FOXN2: variants seen among roughly 807,000 people sequenced by gnomAD.
The protein encoded by FOXN2 is forkhead box N2, also known as forkhead box protein N2.
A neutral mutation model predicts 41.2 loss-of-function variants in FOXN2; 19 were observed. The ratio of observed to expected loss-of-function variants is 0.46; its 90% CI spans 0.32 to 0.68. The LOEUF (loss-of-function observed/expected upper bound fraction) is 0.68, where lower values mean the gene tolerates loss of function less well. Ranked by LOEUF, FOXN2 falls within the 30% of genes least tolerant of loss-of-function variation. FOXN2 has a pLI of 0.03. For missense variants in FOXN2, 587 were observed against 509.4 expected (o/e 1.15, Z -1.47); for synonymous variants, 195 against 176.8 (o/e 1.10, Z -0.82).
chr2:48,366,946 CT>C (rs1435169134), intron 5 of FOXN2, among the ~76,000 whole-genome samples: 1 of 152,044 alleles, frequency 6.6e-6, no homozygotes. Context: ...AATATTAAAA[CT>C]TACATATTCA....
intron 1 of FOXN2, among the ~76,000 whole-genome samples, chr2:48,315,740 A>G (rs1668868341): frequency 6.6e-6 from 1 of 151,998 alleles, no homozygotes; most frequent in African/African-American, 2.4e-5. Context: ...ACCTTTGCAA[A>G]ATGCCTCTTT....
intron 3 of FOXN2, among the ~76,000 whole-genome samples, chr2:48,357,570 G>C (rs989347488): frequency 2.6e-5 from 4 of 150,990 alleles, no homozygotes; most frequent in African/African-American, 9.7e-5. Context: ...CTGAATAGCT[G>C]AGACTATAGG....
Position 48,359,247 on chromosome 2 carries a change from G to A in FOXN2, c.638+100G>A, listed in dbSNP as rs1672011738. The A allele has an allele frequency of 2.4e-5, 19 of 783,516 alleles. No homozygotes were observed. The South Asian group carries it at 3.2e-4, about 13-fold the overall frequency. The allele number at this position is 783,516 out of a possible 1,614,324, so 48.5% of individuals were successfully genotyped here. Reference sequence around the variant, plus strand: ...CAGGGTATTATGTTTCTGTTTTATTGTATAAAGAAGTATTTATGTTTTATT... The same window carrying A: ...CAGGGTATTATGTTTCTGTTTTATTATATAAAGAAGTATTTATGTTTTATT... On this transcript the variant is annotated intron_variant, in intron 4 of 6. Transcript: ENST00000340553.
chr2:48,349,029 TC>T (rs988326595), intron 3 of FOXN2, among the ~76,000 whole-genome samples: 2 of 152,100 alleles, frequency 1.3e-5, no homozygotes, highest in African/African-American at 4.8e-5. Context: ...TTTCTGTGCC[TC>T]CCCCAGGAGC....
At chr2:48,319,284 TAAA>T (rs1346425842) in intron 1 of FOXN2, among the ~76,000 whole-genome samples, 1 of 151,966 alleles carries the variant, frequency 6.6e-6, no homozygotes, top group African/African-American at 2.4e-5. Context: ...ACTGAGGAGA[TAAA>T]AAACATTAAT....
At chr2:48,318,483 G>A (rs896152790) in intron 1 of FOXN2, among the ~76,000 whole-genome samples, 6 of 152,130 alleles carry the variant, frequency 3.9e-5, no homozygotes, top group African/African-American at 1.2e-4. Context: ...ACAAACTAAC[G>A]ACATGATAAA....
At chr2:48,340,996 A>G (rs1670728261) in intron 2 of FOXN2, among the ~76,000 whole-genome samples, 1 of 152,184 alleles carries the variant, frequency 6.6e-6, no homozygotes. Flanking sequence ...TAGTGGTTGT[A>G]TTAATTACTT....
chr2:48,319,270 T>G (rs545956822), intron 1 of FOXN2, among the ~76,000 whole-genome samples: 1 of 148,204 alleles, frequency 6.7e-6, no homozygotes, highest in South Asian at 2.2e-4. Flanking sequence ...GAAAAAAAAA[T>G]GAGACTGAGG....
rs563067423 is a variant in FOXN2, at chr2:48,360,947, G to C, written c.639-1696G>C. 4.7e-3 allele frequency among the ~76,000 whole-genome samples: 712 copies of C among 150,756 alleles called. 2 individuals carry two copies. The highest frequency in any genetic ancestry group is 0.01 in the South Asian group (50 of 4,772). ...GAGGATCGTTTGAGCCTGGGAGGCA[G>C]ATGTTGCAATGAGCCAAGATGGTGC... On this transcript the variant is annotated intron_variant, in intron 4 of 6. Coordinates refer to ENST00000340553, the MANE Select transcript of FOXN2 (RefSeq NM_002158.4).
chr2:48,356,460 C>T (rs55660911), intron 3 of FOXN2, among the ~76,000 whole-genome samples: 17,216 of 152,114 alleles, frequency 0.11, 1,421 homozygotes, highest in East Asian at 0.45. Context: ...AGTTAATATC[C>T]AAGTCTTGTA....
intron 3 of FOXN2, among the ~76,000 whole-genome samples, chr2:48,353,596 GTGTGTGT>G (rs1290253881): frequency 1.4e-5 from 2 of 145,742 alleles, no homozygotes; most frequent in Non-Finnish European, 3.0e-5. Context: ...GTGTGTGTGT[GTGTGTGT>G]GTGAAAGAGA....
At chr2:48,354,893 T>C (rs1240493718) in intron 3 of FOXN2, among the ~76,000 whole-genome samples, 1 of 152,198 alleles carries the variant, frequency 6.6e-6, no homozygotes, top group East Asian at 1.9e-4. Context: ...CAAAAAATGC[T>C]TTTTTATCTA....
At chr2:48,348,978 T>A (rs1251864882) in intron 3 of FOXN2, among the ~76,000 whole-genome samples, 1 of 152,178 alleles carries the variant, frequency 6.6e-6, no homozygotes, top group African/African-American at 2.4e-5. Flanking sequence ...CCAGCATTAG[T>A]CTTAAACAGG....
chr2:48,373,269 A>C, intron 5 of FOXN2, 23 bp from the exon 6 acceptor site: 2 of 1,524,890 alleles, frequency 1.3e-6, no homozygotes, highest in Non-Finnish European at 1.8e-6. Flanking sequence ...GAACATTAAT[A>C]TTATTACTTT....
chr2:48,337,668 G>C (rs1670457046), intron 2 of FOXN2, among the ~76,000 whole-genome samples: 1 of 151,988 alleles, frequency 6.6e-6, no homozygotes, highest in African/African-American at 2.4e-5. Flanking sequence ...TGGACACTTA[G>C]GCTGCTGCCT....
At chr2:48,354,754 T>C (rs1418383830) in intron 3 of FOXN2, among the ~76,000 whole-genome samples, 1 of 151,916 alleles carries the variant, frequency 6.6e-6, no homozygotes, top group Non-Finnish European at 1.5e-5. Flanking sequence ...AAAATGAAAA[T>C]CTAATAGAAA....
chr2:48,328,181 TG>T, intron 1 of FOXN2, among the ~76,000 whole-genome samples: 1 of 152,250 alleles, frequency 6.6e-6, no homozygotes, highest in East Asian at 1.9e-4. Flanking sequence ...CAACCAGATT[TG>T]TCCTTTAGGA....
chr2:48,361,170 G>A (rs1346310890), intron 4 of FOXN2, among the ~76,000 whole-genome samples: 2 of 152,060 alleles, frequency 1.3e-5, no homozygotes, highest in Admixed American at 6.5e-5. Flanking sequence ...GGCTTTAAAA[G>A]AAGATAAAAA....
At chr2:48,318,847 T>A (rs552099629) in intron 1 of FOXN2, among the ~76,000 whole-genome samples, 106 of 152,286 alleles carry the variant, frequency 7.0e-4, no homozygotes, top group African/African-American at 2.4e-3. Context: ...TTTATAAACA[T>A]AAAATTACTG....
Sources: allele counts gnomAD v4.1 joint callset (sites outside exome capture counted in the v4.1 genomes callset), GRCh38; gene constraint gnomAD v4.1.1; transcripts MANE v1.5; gene names NCBI Gene and HGNC (gene_info 2026-07-23, HGNC 2026-07-21).